Variants in MYH15 observed in about 807,000 individuals in gnomAD.
The protein encoded by MYH15 is myosin-15.
In MYH15, 227 loss-of-function variants were observed where a neutral mutation model predicts 240.5. The observed-to-expected ratio is 0.94, with a 90% CI of 0.85 to 1.05. MYH15 has a LOEUF of 1.05. Among genes scored for constraint, MYH15 ranks in the 50% least tolerant of loss-of-function variants. The probability of loss-of-function intolerance (pLI) is 0.00; values close to 1 mark genes in which losing one functional copy is unlikely to be tolerated. For missense variants in MYH15, 2,217 were observed against 2,247.5 expected (o/e 0.99, Z 0.27); for synonymous variants, 785 against 796.7 (o/e 0.99, Z 0.25).
chr3:108,428,992 T>A (rs2082752936), intron 26 of MYH15, 111 bp from the exon 27 acceptor site: 5 of 1,102,874 alleles, frequency 4.5e-6, no homozygotes, highest in Non-Finnish European at 5.1e-6. Flanking sequence ...AATTTACAAC[T>A]AAAGAAAACA....
At chr3:108,540,923 A>T in the MYH15 span, among the ~76,000 whole-genome samples, 30 of 152,236 alleles carry the variant, frequency 2.0e-4, no homozygotes, top group Admixed American at 2.0e-3. Context: ...GGTACAAAAT[A>T]TGTATATTCA....
At position 108,390,819 on chromosome 3, in the gene MYH15, T is replaced by G. The variant is rs187586162; in HGVS notation, c.5430+941A>C. ...AACTTGTTTTTTTAATTATAAAGTA[T>G]GCAAATGATTTATATGATTTTCCAA... On this transcript the variant is annotated intron_variant, in intron 37 of 40. Transcript: ENST00000693548. 1.6e-3 allele frequency among the ~76,000 whole-genome samples: 248 copies of G among 152,322 alleles called. 1 individual carries two copies. Among genetic ancestry groups the G allele is most frequent in the Non-Finnish European group, 3.0e-3 (202 of 68,022 alleles).
chr3:108,391,759 C>T lies in MYH15; in HGVS notation c.5430+1G>A, dbSNP rs1268459122. 1 of 1,613,072 alleles carries T rather than the reference C, an allele frequency of 6.2e-7. No homozygotes were observed. The highest frequency in any genetic ancestry group is 8.5e-7 in the Non-Finnish European group (1 of 1,179,516). The stretch of plus-strand genomic sequence containing the variant: ...GCCCTCATGATTACCCAGACTCCTA[C>T]CCTGGATTCTAGTTTCTGGATTTGC... On this transcript the variant is annotated splice_donor_variant, in intron 37 of 40. Transcript: ENST00000693548. LOFTEE classifies it high-confidence loss of function.
chr3:108,490,247 G>A (rs958191330), intron 9 of MYH15, among the ~76,000 whole-genome samples: 4 of 152,136 alleles, frequency 2.6e-5, no homozygotes, highest in African/African-American at 7.2e-5. Context: ...TAATTGTCTC[G>A]TTTGCAGAGC....
chr3:108,496,957 C>A (rs148641032), intron 6 of MYH15, among the ~76,000 whole-genome samples: 1 of 151,448 alleles, frequency 6.6e-6, no homozygotes, highest in Non-Finnish European at 1.5e-5. Flanking sequence ...GTCAGGAGAT[C>A]GAGACCATCC....
rs1241804735 is a variant in MYH15 at position 108,383,818 on chromosome 3, A to T, written c.5632-89T>A. 61 of 1,070,130 alleles carry T rather than the reference A, an allele frequency of 5.7e-5. No homozygotes were observed. In the East Asian group the frequency reaches 1.6e-3, roughly 28 times the overall value. The allele number at this position is 1,070,130 out of a possible 1,614,324, so 66.3% of individuals were successfully genotyped here. On this transcript the variant is annotated intron_variant, in intron 39 of 40. Coordinates refer to ENST00000693548, the MANE Select transcript of MYH15 (RefSeq NM_014981.3). ...CTGCTCTGACATGAGAAAGTTGAAT[A>T]ATGTGAAAAGAATCTAAACTTCTGA...
the MYH15 span, among the ~76,000 whole-genome samples, chr3:108,534,460 C>T: frequency 6.6e-6 from 1 of 152,112 alleles, no homozygotes; most frequent in East Asian, 1.9e-4. Context: ...TATCATTCAG[C>T]CAGAAACTGG....
At chr3:108,464,025 A>G (rs1473264977) in intron 15 of MYH15, among the ~76,000 whole-genome samples, 2 of 152,124 alleles carry the variant, frequency 1.3e-5, no homozygotes, top group African/African-American at 4.8e-5. Context: ...ATATGCCAGG[A>G]TATCAAAGAA....
chr3:108,464,043 A>G (rs2083093330), intron 15 of MYH15, among the ~76,000 whole-genome samples: 1 of 152,182 alleles, frequency 6.6e-6, no homozygotes, highest in African/African-American at 2.4e-5. Flanking sequence ...GAAGAGAACT[A>G]TAAACATATC....
chr3:108,414,344 C>T lies in MYH15; in HGVS notation c.4033G>A (p.Val1345Ile), dbSNP rs111313475. ...AAGGTCCGGTGCAGCTCAGCCTTGA[C>T]CTCTTGTTCTTCCTCATACTGCTCT... ...LREQYEEEQE[V>I]KAELHRTLSK... Residue 1345 changes from valine (V) to isoleucine (I), a missense_variant, in exon 30 of 41, where the codon GTC (valine) becomes ATC (isoleucine). Val to Ile is a conservative substitution (Grantham distance 29, BLOSUM62 3). Coordinates refer to ENST00000693548, the MANE Select transcript of MYH15 (RefSeq NM_014981.3). 8 of 1,614,178 alleles carry T rather than the reference C, an allele frequency of 5.0e-6. No individual in the cohort carries two copies. The highest frequency in any genetic ancestry group is 6.8e-6 in the Non-Finnish European group (8 of 1,180,032).
chr3:108,464,516 T>C, intron 15 of MYH15, 122 bp downstream of exon 15: 2 of 981,462 alleles, frequency 2.0e-6, no homozygotes, highest in East Asian at 2.6e-5. Context: ...GGAACTGAGA[T>C]GTATTTTGTT....
chr3:108,529,803 C>T (rs1322922689), upstream of MYH15, among the ~76,000 whole-genome samples: 1 of 152,150 alleles, frequency 6.6e-6, no homozygotes, highest in Non-Finnish European at 1.5e-5. Context: ...CAAGACATAA[C>T]ACAGGGAGTT....
In MYH15 at chr3:108,500,246, A is replaced by G; in HGVS notation, c.368T>C (p.Ile123Thr). The G allele has an allele frequency of 6.2e-7, 1 of 1,614,038 alleles. No individual in the cohort carries two copies. The highest frequency in any genetic ancestry group is 2.2e-5 in the East Asian group (1 of 44,884). ...YTYSGLFCVT[I>T]NPYKWLPVYQ... ...CACGGGAAGCCATTTGTAAGGGTTT[A>G]TGGTCACACAGAAGAGACCTGAATA... Residue 123 changes from isoleucine to threonine, a missense_variant, in exon 4 of 41, where the codon ATA becomes ACA. Transcript: ENST00000693548.
chr3:108,399,173 C>T lies in MYH15; in HGVS notation c.4831G>A (p.Glu1611Lys). The T allele has an allele frequency of 6.2e-7, 1 of 1,614,216 alleles. No homozygotes were observed. The highest frequency in any genetic ancestry group is 8.5e-7 in the Non-Finnish European group (1 of 1,180,042). ...IEVTRLKKKM[E>K]EDLNEMELQL... ...AGTTCCATCTCATTGAGGTCCTCTTCCATCTTCTTCTTCAGCCGGGTAACC... is the reference window on the plus strand; with the variant it reads ...AGTTCCATCTCATTGAGGTCCTCTTTCATCTTCTTCTTCAGCCGGGTAACC... The change falls in exon 34 of 41, where the codon GAA (glutamate) becomes AAA (lysine). Residue 1611 changes from glutamate (E) to lysine (K), a missense_variant. Physicochemically the swap from Glu to Lys is moderately conservative, Grantham distance 56 (BLOSUM62 1). Coordinates refer to ENST00000693548, the MANE Select transcript of MYH15 (RefSeq NM_014981.3).
At chr3:108,413,613 C>T (rs1016736572) in intron 30 of MYH15, among the ~76,000 whole-genome samples, 2 of 152,182 alleles carry the variant, frequency 1.3e-5, no homozygotes, top group African/African-American at 4.8e-5. Context: ...AGTCTCAATT[C>T]AGCTGTGCCC....
chr3:108,535,623 T>C, the MYH15 span, among the ~76,000 whole-genome samples: 1 of 152,174 alleles, frequency 6.6e-6, no homozygotes, highest in Admixed American at 6.5e-5. Context: ...ACCTCCAAGA[T>C]TTTAATATAC....
chr3:108,536,787 C>T, the MYH15 span, among the ~76,000 whole-genome samples: 12 of 152,300 alleles, frequency 7.9e-5, no homozygotes, highest in Admixed American at 6.5e-4. Flanking sequence ...TGTACACTTA[C>T]GGGATACCTC....
At chr3:108,503,047 A>G (rs2083450189) in intron 2 of MYH15, among the ~76,000 whole-genome samples, 1 of 152,190 alleles carries the variant, frequency 6.6e-6, no homozygotes, top group Non-Finnish European at 1.5e-5. Context: ...AGACCATTGT[A>G]ACATTGTGAT....
At chr3:108,547,369 A>C in the MYH15 span, among the ~76,000 whole-genome samples, 3 of 152,220 alleles carry the variant, frequency 2.0e-5, no homozygotes, top group East Asian at 5.8e-4. Flanking sequence ...TATTTTCTTA[A>C]TCCAAAATAC....
Sources: allele counts gnomAD v4.1 joint callset (sites outside exome capture counted in the v4.1 genomes callset), GRCh38; gene constraint gnomAD v4.1.1; transcripts MANE v1.5; gene names NCBI Gene and HGNC (gene_info 2026-07-23, HGNC 2026-07-21).